Variants in PDZD9 observed in about 807,000 individuals in gnomAD.
PDZD9 encodes PDZ domain-containing protein 9.
In PDZD9, 13 loss-of-function variants were observed where a neutral mutation model predicts 16.3. The observed-to-expected ratio is 0.80, with a 90% CI of 0.52 to 1.27. The LOEUF (loss-of-function observed/expected upper bound fraction) is 1.27, where lower values mean the gene tolerates loss of function less well. Among genes scored for constraint, PDZD9 ranks in the 50% most tolerant of loss-of-function variants. The pLI is 0.00. For missense variants in PDZD9, 288 were observed against 310.9 expected (o/e 0.93, Z 0.55); for synonymous variants, 120 against 111.0 (o/e 1.08, Z -0.51).
At chr16:21,961,644 A>ATATATATG in the PDZD9 span, among the ~76,000 whole-genome samples, 1 of 93,800 alleles carries the variant, frequency 1.1e-5, no homozygotes, top group South Asian at 2.9e-4. Context: ...ATATATATAT[A>ATATATATG]TATATATATA....
the PDZD9 span, among the ~76,000 whole-genome samples, chr16:21,973,414 G>A: frequency 2.6e-5 from 4 of 152,124 alleles, no homozygotes; most frequent in Non-Finnish European, 4.4e-5. Flanking sequence ...TTATTCAGAG[G>A]TTAAACTCTT....
chr16:21,987,288 C>T (rs1039372400), intron 3 of PDZD9, among the ~76,000 whole-genome samples: 12 of 152,084 alleles, frequency 7.9e-5, no homozygotes, highest in African/African-American at 2.9e-4. Context: ...GGTGTGTTGG[C>T]ATGCGCCTGT....
At chr16:21,976,396 A>G in the PDZD9 span, 2 of 645,836 alleles carry the variant, frequency 3.1e-6, no homozygotes, top group Non-Finnish European at 5.1e-6. Flanking sequence ...CCACCTAAAG[A>G]TATAATTGTT....
chr16:22,001,017 CT>C lies in PDZD9; in HGVS notation c.30del (p.Glu11LysfsTer15). The C allele has an allele frequency of 6.5e-7, 1 of 1,533,412 alleles. No homozygotes were observed. The highest frequency in any genetic ancestry group is 8.7e-7 in the Non-Finnish European group (1 of 1,145,894). 95.0% of individuals were successfully genotyped at this position (1,533,412 alleles called of 1,614,324 possible). On this transcript the variant is annotated frameshift_variant and splice_region_variant, in exon 1 of 4. Coordinates refer to ENST00000424898, the MANE Select transcript of PDZD9 (RefSeq NM_001363519.1). LOFTEE classifies it high-confidence loss of function. ...CACCCGCTTCCTTCTCCCCAGTTAC[CT>C]TTTTTGTTTTTGTGGGAGGCCTTCT... MQKASHKNKKERGVSNKVKT... is the reference protein window; with the variant it reads MQKASHKNKXERGVSNKVKT...
chr16:21,981,932 C>G (rs1470548341), downstream of PDZD9, among the ~76,000 whole-genome samples: 1 of 151,210 alleles, frequency 6.6e-6, no homozygotes, highest in Non-Finnish European at 1.5e-5. Context: ...CCTCCGCCTC[C>G]CGGGTTCACG....
Position 21,984,475 on chromosome 16 carries a change from A to T in PDZD9, c.587T>A (p.Ile196Asn), listed in dbSNP as rs763588337. The T allele has an allele frequency of 6.2e-7, 1 of 1,613,112 alleles. No homozygotes were observed. The change falls in exon 4 of 4, where the codon ATT (isoleucine) becomes AAT (asparagine). Residue 196 changes from isoleucine (I) to asparagine (N), a missense_variant. Physicochemically the swap from Ile to Asn is moderately radical, Grantham distance 149 (BLOSUM62 -3). Transcript: ENST00000424898. ...ACAATTAATGTCTTTTCCTACACTA[A>T]TAGTATGGTTCTTCTTCTTATATCC... ...WHGYKKKNHT[I>N]SVGKDINCDV... is the part of the protein sequence containing the mutation.
intron 2 of PDZD9, among the ~76,000 whole-genome samples, chr16:21,992,214 G>A (rs1207757877): frequency 1.3e-5 from 2 of 152,082 alleles, no homozygotes; most frequent in African/African-American, 4.8e-5. Context: ...TCCAGCCTGT[G>A]TGACAGTGAG....
the PDZD9 span, among the ~76,000 whole-genome samples, chr16:21,961,651 TA>T: frequency 2.8e-5 from 3 of 105,326 alleles, no homozygotes; most frequent in Middle Eastern, 4.2e-3. Context: ...TATATATATA[TA>T]TATATATATA....
chr16:21,992,077 C>T (rs571804313), intron 2 of PDZD9, among the ~76,000 whole-genome samples: 17 of 152,052 alleles, frequency 1.1e-4, no homozygotes, highest in Non-Finnish European at 2.2e-4. Flanking sequence ...TTAGATAACA[C>T]GTGGGGCCAG....
chr16:21,965,910 T>G, the PDZD9 span, among the ~76,000 whole-genome samples: 2 of 152,140 alleles, frequency 1.3e-5, no homozygotes, highest in Non-Finnish European at 2.9e-5. Flanking sequence ...TCTTGAACTC[T>G]TAAGCTCAAG....
downstream of PDZD9, among the ~76,000 whole-genome samples, chr16:21,979,171 G>GA (rs1898655580): frequency 6.6e-6 from 1 of 152,178 alleles, no homozygotes; most frequent in African/African-American, 2.4e-5. Context: ...TGTCTGTGGT[G>GA]ACACCAAGTA....
chr16:22,000,146 G>T (rs1262718928), intron 1 of PDZD9, among the ~76,000 whole-genome samples: 1 of 152,164 alleles, frequency 6.6e-6, no homozygotes, highest in Admixed American at 6.5e-5. Flanking sequence ...GGAGGCTGCA[G>T]TGAGCCAGGA....
chr16:21,992,877 TG>T (rs1294723708), intron 2 of PDZD9, among the ~76,000 whole-genome samples: 1 of 152,110 alleles, frequency 6.6e-6, no homozygotes, highest in African/African-American at 2.4e-5. Flanking sequence ...TCCCCACCTG[TG>T]GAGGGAGGGA....
chr16:21,990,455 A>G (rs747482663), intron 2 of PDZD9, among the ~76,000 whole-genome samples: 4 of 152,204 alleles, frequency 2.6e-5, no homozygotes, highest in Non-Finnish European at 4.4e-5. Flanking sequence ...ATCAGAAACA[A>G]AAGTTCCCAG....
At chr16:21,978,896 C>T (rs1257886826), downstream of PDZD9, among the ~76,000 whole-genome samples, 6 of 152,282 alleles carry the variant, frequency 3.9e-5, no homozygotes, top group East Asian at 9.6e-4. Flanking sequence ...CTAAAAGAGG[C>T]AGCAACAGCT....
chr16:21,971,792 A>T, the PDZD9 span: 1 of 1,373,988 alleles, frequency 7.3e-7, no homozygotes, highest in Non-Finnish European at 1.0e-6. Flanking sequence ...TGGGGACAGG[A>T]TGGCATGGGG....
the PDZD9 span, among the ~76,000 whole-genome samples, chr16:21,972,855 A>G: frequency 6.6e-6 from 1 of 152,210 alleles, no homozygotes; most frequent in Non-Finnish European, 1.5e-5. Context: ...TAATCCCAGC[A>G]CTTTGGGAGG....
the PDZD9 span, among the ~76,000 whole-genome samples, chr16:21,966,922 A>G: frequency 1.3e-5 from 2 of 152,252 alleles, no homozygotes; most frequent in Non-Finnish European, 2.9e-5. Flanking sequence ...AACAGTATTC[A>G]ACCATTCAAA....
the PDZD9 span, among the ~76,000 whole-genome samples, chr16:21,977,448 A>G: frequency 6.6e-6 from 1 of 152,208 alleles, no homozygotes; most frequent in African/African-American, 2.4e-5. Flanking sequence ...CTATTCTACA[A>G]TAGTTTCTTT....
Sources: gnomAD v4.1 joint callset for allele counts (sites outside exome capture counted in the v4.1 genomes callset) on GRCh38, gnomAD v4.1.1 for gene constraint, MANE v1.5 for transcripts, NCBI Gene and HGNC (gene_info 2026-07-23, HGNC 2026-07-21) for gene names.